CNTN4: variants seen among roughly 807,000 people sequenced by gnomAD.
The protein encoded by CNTN4 is contactin 4.
Under a neutral mutation model 122.5 loss-of-function variants are expected in CNTN4, and 77 were observed. The observed-to-expected ratio is 0.63, with a 90% CI of 0.52 to 0.76. CNTN4 has a LOEUF of 0.76. CNTN4 is among the 30% of genes least tolerant of loss of function. The pLI is 0.00. For missense variants in CNTN4, 1,256 were observed against 1,259.1 expected, an observed-to-expected ratio of 1.00 and a Z score of 0.04; for synonymous variants, 512 against 447.0, an observed-to-expected ratio of 1.15 and a Z score of -1.83.
intron 2 of CNTN4, among the ~76,000 whole-genome samples, chr3:2,204,941 T>C (rs1000881323): frequency 1.3e-5 from 2 of 152,066 alleles, no homozygotes; most frequent in African/African-American, 4.8e-5. Context: ...AATGCTTACT[T>C]TGAAACATAT....
chr3:2,758,503 C>T (rs1576680118), intron 6 of CNTN4, among the ~76,000 whole-genome samples: 3 of 149,210 alleles, frequency 2.0e-5, no homozygotes, highest in South Asian at 4.2e-4. Flanking sequence ...TTGCCTCTTA[C>T]TTTCAACACC....
rs116569106 is a variant in CNTN4 at position 2,723,284 on chromosome 3, G to A, written c.56-12931G>A. ...AATCTTTGCAAACCTTTGTTTACTCGCCTCAAAAAGTGGGGTTTGATAAAA... is the reference window on the plus strand; with the variant it reads ...AATCTTTGCAAACCTTTGTTTACTCACCTCAAAAAGTGGGGTTTGATAAAA... On this transcript the variant is annotated intron_variant, in intron 4 of 24. Transcript: ENST00000418658. Among the ~76,000 whole-genome samples the A allele has an allele frequency of 5.1e-3, 776 of 152,168 alleles. 7 individuals are homozygous for A. Among genetic ancestry groups the A allele is most frequent in the African/African-American group, 0.014 (564 of 41,538 alleles).
chr3:2,650,664 T>C (rs1286561524), intron 4 of CNTN4, among the ~76,000 whole-genome samples: 1 of 152,222 alleles, frequency 6.6e-6, no homozygotes, highest in Non-Finnish European at 1.5e-5. Flanking sequence ...GCAGCCATCT[T>C]AATCGAGGGA....
chr3:2,539,586 G>T (rs1287457824), intron 3 of CNTN4, among the ~76,000 whole-genome samples: 2 of 152,038 alleles, frequency 1.3e-5, no homozygotes, highest in Non-Finnish European at 2.9e-5. Context: ...ATTTACACTT[G>T]GAAAGCAAAC....
intron 3 of CNTN4, among the ~76,000 whole-genome samples, chr3:2,506,450 A>G (rs1465721020): frequency 6.6e-6 from 1 of 152,242 alleles, no homozygotes; most frequent in African/African-American, 2.4e-5. Flanking sequence ...TACCATATAA[A>G]TGCATAGAAG....
At chr3:2,887,252 T>A in intron 10 of CNTN4, 28 bp downstream of exon 10, 1 of 1,595,870 alleles carries the variant, frequency 6.3e-7, no homozygotes, top group Non-Finnish European at 8.6e-7. Context: ...GTTTATCATT[T>A]ATAGTGCTAC....
chr3:2,334,576 G>T (rs1177125435), intron 2 of CNTN4, among the ~76,000 whole-genome samples: 1 of 151,028 alleles, frequency 6.6e-6, no homozygotes, highest in Non-Finnish European at 1.5e-5. Flanking sequence ...AAATAACGTG[G>T]TAAAGCTTAG....
At chr3:2,795,441 C>G (rs76069703) in intron 6 of CNTN4, among the ~76,000 whole-genome samples, 2,206 of 152,042 alleles carry the variant, frequency 0.015, 26 homozygotes, top group Non-Finnish European at 0.021. Context: ...GGAAGGGACT[C>G]TATAATCTAT....
At chr3:2,200,547 CT>C (rs1400064864) in intron 2 of CNTN4, among the ~76,000 whole-genome samples, 1 of 152,144 alleles carries the variant, frequency 6.6e-6, no homozygotes, top group Non-Finnish European at 1.5e-5. Flanking sequence ...AGGACCACCC[CT>C]TCAACAAAGA....
intron 8 of CNTN4, among the ~76,000 whole-genome samples, chr3:2,874,371 A>C (rs1041040957): frequency 1.3e-5 from 2 of 152,230 alleles, no homozygotes; most frequent in African/African-American, 4.8e-5. Flanking sequence ...GAATTATTGA[A>C]TTGAGTTCTG....
chr3:2,621,301 A>G (rs2081980761), intron 4 of CNTN4, among the ~76,000 whole-genome samples: 1 of 152,196 alleles, frequency 6.6e-6, no homozygotes, highest in African/African-American at 2.4e-5. Context: ...TCCTTTCCAC[A>G]AGTTTTATTC....
At chr3:2,589,494 C>T (rs1449007652) in intron 4 of CNTN4, among the ~76,000 whole-genome samples, 1 of 152,158 alleles carries the variant, frequency 6.6e-6, no homozygotes, top group Non-Finnish European at 1.5e-5. Context: ...CTACTCAAGC[C>T]ATTCCTTCCC....
chr3:2,382,834 G>T (rs912123524), intron 3 of CNTN4, among the ~76,000 whole-genome samples: 1 of 152,170 alleles, frequency 6.6e-6, no homozygotes, highest in African/African-American at 2.4e-5. Flanking sequence ...AGCACTTCGG[G>T]AGGCCGAGGC....
rs1216734498 is a variant in CNTN4 at position 2,591,542 on chromosome 3, T to A, written c.55+19984T>A. The stretch of plus-strand genomic sequence containing the variant: ...ACTACGCCCGGCTAATTTTTTGTAT[T>A]TTTAGTAGAGACGGGGTTTCACCGT... On this transcript the variant is annotated intron_variant, in intron 4 of 24. Coordinates refer to ENST00000418658, the MANE Select transcript of CNTN4 (RefSeq NM_175607.3). 2.2e-5 allele frequency among the ~76,000 whole-genome samples: 2 copies of A among 90,092 alleles called. 1 individual carries two copies. The highest frequency in any genetic ancestry group is 4.8e-5 in the Non-Finnish European group (2 of 41,680). The allele number at this position is 90,092 out of a possible 152,430, so 59.1% of individuals were successfully genotyped here.
At chr3:2,391,863 A>G (rs2046453102) in intron 3 of CNTN4, among the ~76,000 whole-genome samples, 1 of 152,134 alleles carries the variant, frequency 6.6e-6, no homozygotes, top group South Asian at 2.1e-4. Flanking sequence ...CTAATGTCCC[A>G]TCAGTTTTGG....
At chr3:2,881,884 A>T (rs759547707) in intron 8 of CNTN4, among the ~76,000 whole-genome samples, 1 of 152,154 alleles carries the variant, frequency 6.6e-6, no homozygotes, top group African/African-American at 2.4e-5. Context: ...TCCTCTGACT[A>T]TGGGAAGCCT....
At chr3:2,479,957 G>C (rs1454027834) in intron 3 of CNTN4, among the ~76,000 whole-genome samples, 1 of 152,062 alleles carries the variant, frequency 6.6e-6, no homozygotes, top group Non-Finnish European at 1.5e-5. Flanking sequence ...ATCCAAGGGT[G>C]GTTCAACATT....
chr3:2,547,175 T>C (rs1357047874), intron 3 of CNTN4, among the ~76,000 whole-genome samples: 1 of 152,126 alleles, frequency 6.6e-6, no homozygotes. Context: ...GATCTACTAA[T>C]ACGAGTGTCT....
intron 3 of CNTN4, among the ~76,000 whole-genome samples, chr3:2,560,093 TC>T (rs1324926938): frequency 1.3e-5 from 2 of 152,132 alleles, no homozygotes; most frequent in African/African-American, 4.8e-5. Flanking sequence ...TAGGGGGATT[TC>T]CTGTCCCAAC....
Sources: gnomAD v4.1 joint callset for allele counts (sites outside exome capture counted in the v4.1 genomes callset) on GRCh38, gnomAD v4.1.1 for gene constraint, MANE v1.5 for transcripts, NCBI Gene and HGNC (gene_info 2026-07-23, HGNC 2026-07-21) for gene names.